Variants in CCDC125 observed in about 807,000 individuals in gnomAD.
The protein encoded by CCDC125 is coiled-coil domain containing 125.
A neutral mutation model predicts 57.4 loss-of-function variants in CCDC125; 43 were observed. That is an observed-to-expected ratio of 0.75 (90% CI 0.59 to 0.97). CCDC125 has a LOEUF of 0.97. Among genes scored for constraint, CCDC125 ranks in the 50% least tolerant of loss-of-function variants. The pLI is 0.00. For missense variants in CCDC125, 563 were observed against 595.7 expected (o/e 0.95, Z 0.57); for synonymous variants, 187 against 195.2 (o/e 0.96, Z 0.35).
intron 2 of CCDC125, among the ~76,000 whole-genome samples, chr5:69,318,044 C>A (rs191911267): frequency 7.6e-6 from 1 of 132,232 alleles, no homozygotes; most frequent in Admixed American, 9.3e-5. Context: ...CGCAGTGGTG[C>A]GATCTCGGCT....
intron 1 of CCDC125, among the ~76,000 whole-genome samples, chr5:69,330,030 A>C (rs534373039): frequency 6.6e-6 from 1 of 152,224 alleles, no homozygotes; most frequent in South Asian, 2.1e-4. Context: ...TCATAGATAA[A>C]TCCAAGATCA....
At chr5:69,296,429 G>A (rs987934391) in intron 8 of CCDC125, among the ~76,000 whole-genome samples, 9 of 152,048 alleles carry the variant, frequency 5.9e-5, no homozygotes, top group Non-Finnish European at 1.0e-4. Flanking sequence ...GCTCATGCCT[G>A]TAATCCCAGC....
At chr5:69,331,325 T>A (rs1243784916) in intron 1 of CCDC125, among the ~76,000 whole-genome samples, 2 of 151,682 alleles carry the variant, frequency 1.3e-5, no homozygotes, top group African/African-American at 4.8e-5. Flanking sequence ...CTAGACCTCC[T>A]GGGTTCAAGC....
At chr5:69,277,163 T>G (rs1482186307), downstream of CCDC125, 1 of 1,558,762 alleles carries the variant, frequency 6.4e-7, no homozygotes, top group East Asian at 2.3e-5. Flanking sequence ...ATTTTACTAC[T>G]GAGGGAAATA....
intron 2 of CCDC125, among the ~76,000 whole-genome samples, chr5:69,318,621 C>T (rs944742779): frequency 2.7e-5 from 4 of 149,630 alleles, no homozygotes; most frequent in Non-Finnish European, 5.9e-5. Context: ...GGCATGGGGG[C>T]GGGCACCTGT....
rs1168766946 is a variant in CCDC125, at chr5:69,284,264, G to T, written c.1230+1073C>A. Among the ~76,000 whole-genome samples the T allele has an allele frequency of 9.9e-5, 15 of 152,048 alleles. No homozygotes were observed. In the East Asian group the frequency reaches 2.9e-3, roughly 29 times the overall value. On this transcript the variant is annotated intron_variant, in intron 11 of 11. Coordinates refer to ENST00000396496, the MANE Select transcript of CCDC125 (RefSeq NM_176816.5). Reference sequence around the variant, plus strand: ...TCAACGTGCATATTTATAAAATAATGTTGAAGTTATTTGTATATAAAATTG... The same window carrying T: ...TCAACGTGCATATTTATAAAATAATTTTGAAGTTATTTGTATATAAAATTG...
intron 1 of CCDC125, among the ~76,000 whole-genome samples, chr5:69,321,414 T>C (rs1025110501): frequency 1.3e-5 from 2 of 152,246 alleles, no homozygotes; most frequent in African/African-American, 4.8e-5. Context: ...GAGAAATGTG[T>C]TGTTAGGCAA....
At chr5:69,304,145 C>A (rs558987883) in intron 6 of CCDC125, among the ~76,000 whole-genome samples, 1 of 150,928 alleles carries the variant, frequency 6.6e-6, no homozygotes, top group Admixed American at 6.6e-5. Context: ...CACTCTGTCG[C>A]CCAGGCTGAA....
intron 6 of CCDC125, among the ~76,000 whole-genome samples, chr5:69,305,700 C>G (rs1757223213): frequency 1.3e-5 from 2 of 152,168 alleles, no homozygotes; most frequent in African/African-American, 4.8e-5. Flanking sequence ...TCAGAGAATG[C>G]AGTTGTGCAA....
At chr5:69,317,368 A>G (rs958842716) in intron 2 of CCDC125, among the ~76,000 whole-genome samples, 4 of 152,160 alleles carry the variant, frequency 2.6e-5, no homozygotes, top group Non-Finnish European at 5.9e-5. Flanking sequence ...TTTTGCTTTC[A>G]AAACAGTATC....
At chr5:69,312,322 T>A (rs1234545033) in intron 3 of CCDC125, among the ~76,000 whole-genome samples, 1 of 152,162 alleles carries the variant, frequency 6.6e-6, no homozygotes, top group Non-Finnish European at 1.5e-5. Flanking sequence ...AAACTCTGGT[T>A]TCAAACTTCA....
At chr5:69,286,188 C>CCATATATA (rs1491467969) in intron 10 of CCDC125, among the ~76,000 whole-genome samples, 2 of 51,332 alleles carry the variant, frequency 3.9e-5, no homozygotes, top group Non-Finnish European at 6.8e-5. Context: ...AAATGGTAAA[C>CCATATATA]TATATATATA....
chr5:69,319,108 A>G (rs1474997992), intron 2 of CCDC125, among the ~76,000 whole-genome samples: 1 of 151,654 alleles, frequency 6.6e-6, no homozygotes, highest in Non-Finnish European at 1.5e-5. Flanking sequence ...TTATACTTTT[A>G]GTAGAGATGG....
At chr5:69,328,846 T>C (rs897635376) in intron 1 of CCDC125, among the ~76,000 whole-genome samples, 3 of 151,572 alleles carry the variant, frequency 2.0e-5, no homozygotes, top group African/African-American at 7.3e-5. Flanking sequence ...CAGGCTGGAG[T>C]GCAGTGGCGC....
chr5:69,320,586 G>T lies in CCDC125; in HGVS notation c.-40-6C>A. 1 of 1,364,520 alleles carries T rather than the reference G, an allele frequency of 7.3e-7. No homozygotes were observed. Among genetic ancestry groups the T allele is most frequent in the Non-Finnish European group, 1.0e-6 (1 of 987,010 alleles). The allele number at this position is 1,364,520 out of a possible 1,614,324, so 84.5% of individuals were successfully genotyped here. Reference sequence around the variant, plus strand: ...CATAAGAAAAAATGGGCTGTCTGTAGTTAAGAAAAACAGTAGTTAGGAAAA... The same window carrying T: ...CATAAGAAAAAATGGGCTGTCTGTATTTAAGAAAAACAGTAGTTAGGAAAA... On this transcript the variant is annotated splice_region_variant and splice_polypyrimidine_tract_variant and intron_variant, in intron 1 of 11. Coordinates refer to ENST00000396496, the MANE Select transcript of CCDC125 (RefSeq NM_176816.5).
chr5:69,308,083 T>C, intron 4 of CCDC125, 55 bp from the exon 5 acceptor site: 1 of 1,187,346 alleles, frequency 8.4e-7, no homozygotes. Context: ...CACTCCTATG[T>C]ACATCATGAA....
At chr5:69,311,065 C>A in intron 4 of CCDC125, 53 bp downstream of exon 4, 1 of 1,234,242 alleles carries the variant, frequency 8.1e-7, no homozygotes, top group Non-Finnish European at 1.2e-6. Context: ...AAAACCATAC[C>A]AACATTATTA....
intron 8 of CCDC125, among the ~76,000 whole-genome samples, chr5:69,298,739 C>T (rs1755838154): frequency 6.6e-6 from 1 of 152,170 alleles, no homozygotes. Context: ...TCGAGACTAT[C>T]ATAAAACACC....
intron 2 of CCDC125, among the ~76,000 whole-genome samples, chr5:69,319,774 C>A (rs1028123651): frequency 1.3e-5 from 2 of 152,006 alleles, no homozygotes; most frequent in Non-Finnish European, 2.9e-5. Context: ...AGCCACCACG[C>A]CCGGCTATCA....
Sources: allele counts gnomAD v4.1 joint callset (sites outside exome capture counted in the v4.1 genomes callset), GRCh38; gene constraint gnomAD v4.1.1; transcripts MANE v1.5; gene names NCBI Gene and HGNC (gene_info 2026-07-23, HGNC 2026-07-21).